The following VAV3 variants were observed in gnomAD, a reference collection of about 807,000 sequenced individuals.
VAV3 encodes the protein guanine nucleotide exchange factor VAV3.
In VAV3, 94 loss-of-function variants were observed where a neutral mutation model predicts 131.2. That is an observed-to-expected ratio of 0.72 (90% CI 0.61 to 0.85). The LOEUF is 0.85. Ranked by LOEUF, VAV3 falls within the 40% of genes least tolerant of loss-of-function variation. VAV3 has a pLI of 0.00. For missense variants in VAV3, 939 were observed against 1,002.7 expected, an observed-to-expected ratio of 0.94 and a Z score of 0.86; for synonymous variants, 349 against 342.0, an observed-to-expected ratio of 1.02 and a Z score of -0.22.
chr1:107,922,182 C>G (rs952398028), intron 1 of VAV3, among the ~76,000 whole-genome samples: 2 of 152,146 alleles, frequency 1.3e-5, no homozygotes, highest in African/African-American at 2.4e-5. Context: ...ATCTATCACT[C>G]TACCTTGCAC....
rs372088874 is a variant in VAV3, at chr1:107,766,591, A to C, written c.718-41T>G. ...AATGTGAAAGGAAAGTAGGAATAAC[A>C]ACCAAAAAATACACCCCAAACCCAG... On this transcript the variant is annotated intron_variant, in intron 7 of 26. Transcript: ENST00000370056. The C allele has an allele frequency of 3.3e-4, 510 of 1,526,602 alleles. 3 individuals are homozygous for C. In the African/African-American group the frequency reaches 5.9e-3, roughly 18 times the overall value. 94.6% of individuals were successfully genotyped at this position (1,526,602 alleles called of 1,614,324 possible).
intron 17 of VAV3, among the ~76,000 whole-genome samples, chr1:107,688,769 G>A (rs1557764315): frequency 6.6e-6 from 1 of 152,116 alleles, no homozygotes; most frequent in Non-Finnish European, 1.5e-5. Flanking sequence ...AACATGCCTC[G>A]TTTTAAGAAT....
intron 17 of VAV3, among the ~76,000 whole-genome samples, chr1:107,700,445 C>T (rs1660035696): frequency 6.6e-6 from 1 of 152,192 alleles, no homozygotes; most frequent in Non-Finnish European, 1.5e-5. Flanking sequence ...TTTCCTGATG[C>T]TCTCCTTTCC....
chr1:107,863,526 G>A (rs1297997911), intron 2 of VAV3, among the ~76,000 whole-genome samples: 1 of 152,144 alleles, frequency 6.6e-6, no homozygotes, highest in Non-Finnish European at 1.5e-5. Flanking sequence ...TCATACTCTG[G>A]CCCCAATCTC....
intron 2 of VAV3, among the ~76,000 whole-genome samples, chr1:107,822,215 G>C (rs1182660316): frequency 3.3e-5 from 5 of 152,158 alleles, no homozygotes; most frequent in African/African-American, 7.2e-5. Context: ...CTCTGGAAGA[G>C]AGATCAATCT....
At position 107,714,112 on chromosome 1, in the gene VAV3, C is replaced by A. The variant is rs193194382; in HGVS notation, c.1503-9051G>T. ...AGATAAAACAGATAAATATGCAAAT[C>A]CTGGAGACCAAAGGAGACCTGAAGC... On this transcript the variant is annotated intron_variant, in intron 15 of 26. Transcript: ENST00000370056. Among the ~76,000 whole-genome samples the A allele has an allele frequency of 1.2e-3, 175 of 152,128 alleles. 1 individual carries two copies. Among genetic ancestry groups the A allele is most frequent in the Non-Finnish European group, 1.8e-3 (125 of 67,930 alleles).
intron 15 of VAV3, among the ~76,000 whole-genome samples, chr1:107,712,925 T>C (rs1660871229): frequency 6.6e-6 from 1 of 152,076 alleles, no homozygotes; most frequent in Admixed American, 6.6e-5. Flanking sequence ...TCTACAGAAA[T>C]AGGTGGAAAG....
chr1:107,853,178 T>A (rs763883411), intron 2 of VAV3, among the ~76,000 whole-genome samples: 2 of 152,190 alleles, frequency 1.3e-5, no homozygotes, highest in Non-Finnish European at 2.9e-5. Flanking sequence ...GAGCAGCAGT[T>A]AAGAGCTCGT....
chr1:107,668,925 TATCTC>T, intron 19 of VAV3: 1 of 987,998 alleles, frequency 1.0e-6, no homozygotes, highest in Non-Finnish European at 1.2e-6. Context: ...ACAAGCTACT[TATCTC>T]AACGTGTTTA....
intron 15 of VAV3, among the ~76,000 whole-genome samples, chr1:107,742,508 C>T (rs1176264202): frequency 6.6e-6 from 1 of 152,142 alleles, no homozygotes; most frequent in Admixed American, 6.5e-5. Flanking sequence ...TTTCAAAGAA[C>T]ATAAAGGAAA....
At position 107,701,633 on chromosome 1, in the gene VAV3, G is replaced by A. The variant is rs943982987; in HGVS notation, c.1705+2917C>T. Among the ~76,000 whole-genome samples, 8 of 152,098 alleles carry A rather than the reference G, an allele frequency of 5.3e-5. No homozygotes were observed. The East Asian group carries it at 9.6e-4, about 18-fold the overall frequency. ...AGAAAATGGGTTTTTCTTTTCTATC[G>A]CATCATCAGGCTGCAAATTCTCCAA... On this transcript the variant is annotated intron_variant, in intron 17 of 26. Transcript: ENST00000370056.
chr1:107,710,146 T>C (rs1009861691), intron 15 of VAV3, among the ~76,000 whole-genome samples: 8 of 152,194 alleles, frequency 5.3e-5, no homozygotes, highest in African/African-American at 1.7e-4. Context: ...AAGCAAATCC[T>C]AGCAAGATGA....
At chr1:107,725,776 GTGT>G (rs1032549676) in intron 15 of VAV3, among the ~76,000 whole-genome samples, 3 of 152,126 alleles carry the variant, frequency 2.0e-5, no homozygotes, top group African/African-American at 7.2e-5. Flanking sequence ...GCCTCCCAAA[GTGT>G]TGGGATTACA....
chr1:107,727,135 A>AT (rs1331657328), intron 15 of VAV3, among the ~76,000 whole-genome samples: 1 of 152,260 alleles, frequency 6.6e-6, no homozygotes, highest in Non-Finnish European at 1.5e-5. Flanking sequence ...CAAAACAAAA[A>AT]TAGATTACAA....
rs150870743 is a variant in VAV3 at position 107,704,573 on chromosome 1, T to C, written c.1682A>G (p.Asn561Ser). ...ACCACCAGAATTAACTCTGCCACAA[T>C]TGTCTACTCTTCCCAAACATTCTTT... ...AHKECLGRVD[N>S]CGRVNSGEQG... The change falls in exon 17 of 27, where the codon AAT (asparagine) becomes AGT (serine). Residue 561 changes from asparagine (N) to serine (S), a missense_variant. Physicochemically the swap from Asn to Ser is conservative, Grantham distance 46 (BLOSUM62 1). Transcript: ENST00000370056. The C allele has an allele frequency of 2.5e-6, 4 of 1,613,660 alleles. No homozygotes were observed. The highest frequency in any genetic ancestry group is 2.7e-5 in the African/African-American group (2 of 74,924).
chr1:107,934,183 T>C (rs1283051888), intron 1 of VAV3, among the ~76,000 whole-genome samples: 3 of 152,232 alleles, frequency 2.0e-5, no homozygotes, highest in East Asian at 1.9e-4. Context: ...TAAATAATTA[T>C]ATCCTTTAGA....
At position 107,605,941 on chromosome 1, in the gene VAV3, C is replaced by T. The variant is rs114431955; in HGVS notation, c.2016-2778G>A. On this transcript the variant is annotated intron_variant, in intron 22 of 26. Coordinates refer to ENST00000370056, the MANE Select transcript of VAV3 (RefSeq NM_006113.5). ...GAATTAAGACAACCACATAATCTAC[C>T]TGTTAATTTTCTCTGGAGCCTTTTC... Among the ~76,000 whole-genome samples, 327 of 152,238 alleles carry T rather than the reference C, an allele frequency of 2.1e-3. 1 individual carries two copies. The highest frequency in any genetic ancestry group is 7.3e-3 in the African/African-American group (303 of 41,556).
At chr1:107,727,331 AGAT>A (rs1661908919) in intron 15 of VAV3, among the ~76,000 whole-genome samples, 1 of 152,174 alleles carries the variant, frequency 6.6e-6, no homozygotes, top group Non-Finnish European at 1.5e-5. Context: ...TCTGTTTTTA[AGAT>A]GATGAATATG....
intron 2 of VAV3, among the ~76,000 whole-genome samples, chr1:107,858,659 G>C (rs1361615737): frequency 2.6e-5 from 4 of 152,184 alleles, no homozygotes; most frequent in African/African-American, 9.7e-5. Context: ...CTGATGATCT[G>C]AAGTGGAACG....
Sources: allele counts gnomAD v4.1 joint callset (sites outside exome capture counted in the v4.1 genomes callset), GRCh38; gene constraint gnomAD v4.1.1; transcripts MANE v1.5; gene names NCBI Gene and HGNC (gene_info 2026-07-23, HGNC 2026-07-21).